TRHDE: variants seen among roughly 807,000 people sequenced by gnomAD.
The protein encoded by TRHDE is thyrotropin-releasing hormone-degrading ectoenzyme.
In TRHDE, 72 loss-of-function variants were observed where a neutral mutation model predicts 125.7. That is an observed-to-expected ratio of 0.57 (90% CI 0.47 to 0.70). TRHDE has a LOEUF of 0.70. Among genes scored for constraint, TRHDE ranks in the 30% least tolerant of loss-of-function variants. The probability of loss-of-function intolerance (pLI) is 0.00; values close to 1 mark genes in which losing one functional copy is unlikely to be tolerated. For missense variants in TRHDE, 1,110 were observed against 1,327.1 expected, an observed-to-expected ratio of 0.84 and a Z score of 2.54; for synonymous variants, 509 against 509.1, an observed-to-expected ratio of 1.00 and a Z score of 0.00.
At chr12:72,582,101 C>CA (rs35550066) in intron 12 of TRHDE, 12,161 of 59,252 alleles carry the variant, frequency 0.21, 2,433 homozygotes, top group East Asian at 0.58. Flanking sequence ...GACTCCGTCT[C>CA]AAAAAAAAAA....
intron 2 of TRHDE, among the ~76,000 whole-genome samples, chr12:72,243,483 AAAG>A (rs1878520586): frequency 6.6e-6 from 1 of 152,232 alleles, no homozygotes; most frequent in Non-Finnish European, 1.5e-5. Flanking sequence ...TCATTTTAAA[AAAG>A]AAGGCAAAAT....
chr12:72,365,674 C>G (rs1472130442), intron 2 of TRHDE, among the ~76,000 whole-genome samples: 1 of 152,058 alleles, frequency 6.6e-6, no homozygotes, highest in Admixed American at 6.6e-5. Flanking sequence ...GGAACACACA[C>G]TGTGCTCCCA....
intron 3 of TRHDE, among the ~76,000 whole-genome samples, chr12:72,410,870 T>C (rs9988927): frequency 0.41 from 51,175 of 125,392 alleles, 12,673 homozygotes; most frequent in African/African-American, 0.72. Context: ...GATAAGCAGA[T>C]AAAAAAAAAA....
intron 9 of TRHDE, among the ~76,000 whole-genome samples, chr12:72,564,337 G>T (rs1221008382): frequency 6.6e-6 from 1 of 152,112 alleles, no homozygotes; most frequent in African/African-American, 2.4e-5. Flanking sequence ...AAGCACAAGC[G>T]TAGGCATCAA....
At position 72,664,500 on chromosome 12, in the gene TRHDE, G is replaced by A. The variant is rs1875042319; in HGVS notation, c.*1305G>A. 6.6e-6 allele frequency: 1 copy of A among 152,336 alleles called. No individual in the cohort carries two copies. Among genetic ancestry groups the A allele is most frequent in the African/African-American group, 2.4e-5 (1 of 41,366 alleles). 9.4% of individuals were successfully genotyped at this position (152,336 alleles called of 1,614,324 possible). On this transcript the variant is annotated 3_prime_UTR_variant, in exon 19 of 19. Transcript: ENST00000261180. ...GGCACTGACAACTGTGTTCTACCTG[G>A]GAATTTTGAATAGCCATTTTCATGG...
At chr12:72,495,086 T>A (rs75408912) in intron 5 of TRHDE, among the ~76,000 whole-genome samples, 7,667 of 126,436 alleles carry the variant, frequency 0.061, 346 homozygotes, top group Middle Eastern at 0.12. Context: ...TTTTTTTTTT[T>A]AAGTTTCATC....
chr12:72,382,163 G>A (rs1473505638), intron 3 of TRHDE, among the ~76,000 whole-genome samples: 4 of 152,134 alleles, frequency 2.6e-5, no homozygotes, highest in African/African-American at 7.2e-5. Flanking sequence ...ACATCAAGTG[G>A]GGAAAGCATT....
At chr12:72,369,873 A>G (rs1177927283) in intron 2 of TRHDE, among the ~76,000 whole-genome samples, 1 of 152,190 alleles carries the variant, frequency 6.6e-6, no homozygotes, top group African/African-American at 2.4e-5. Flanking sequence ...AAACGCTGCA[A>G]ATAAGCAGGT....
chr12:72,113,220 T>C (rs1342629325), intron 2 of TRHDE, among the ~76,000 whole-genome samples: 2 of 151,872 alleles, frequency 1.3e-5, no homozygotes, highest in Non-Finnish European at 2.9e-5. Context: ...GGTTTTGCCA[T>C]GTTGCCCAGG....
chr12:72,279,915 A>G (rs773498777), intron 1 of TRHDE, among the ~76,000 whole-genome samples: 27 of 152,356 alleles, frequency 1.8e-4, no homozygotes, highest in Non-Finnish European at 3.1e-4. Context: ...CTACACAACT[A>G]AAAAAAGAAA....
intron 2 of TRHDE, among the ~76,000 whole-genome samples, chr12:72,131,682 G>C (rs1875870481): frequency 6.6e-6 from 1 of 152,188 alleles, no homozygotes; most frequent in Non-Finnish European, 1.5e-5. Context: ...GCTCTTTTGA[G>C]ATTTGCCAGG....
At chr12:72,388,636 A>C (rs1872522367) in intron 3 of TRHDE, among the ~76,000 whole-genome samples, 1 of 152,200 alleles carries the variant, frequency 6.6e-6, no homozygotes, top group Non-Finnish European at 1.5e-5. Flanking sequence ...TACCTTATAA[A>C]CTACCAAGAA....
intron 5 of TRHDE, among the ~76,000 whole-genome samples, chr12:72,485,929 A>T (rs1422693537): frequency 6.6e-6 from 1 of 152,030 alleles, no homozygotes; most frequent in African/African-American, 2.4e-5. Context: ...GCTATTTCTG[A>T]GTACTTGCTG....
chr12:72,586,607 T>C (rs1301168384), intron 12 of TRHDE, among the ~76,000 whole-genome samples: 1 of 152,114 alleles, frequency 6.6e-6, no homozygotes, highest in Non-Finnish European at 1.5e-5. Context: ...TCAGATCACA[T>C]TTGAATCACA....
intron 12 of TRHDE, among the ~76,000 whole-genome samples, chr12:72,597,796 T>C (rs1872042785): frequency 1.4e-5 from 2 of 143,766 alleles, no homozygotes; most frequent in Admixed American, 7.0e-5. Context: ...TAGATATATA[T>C]TCTGAAATAG....
intron 3 of TRHDE, among the ~76,000 whole-genome samples, chr12:72,393,678 G>A (rs1037589945): frequency 4.6e-5 from 7 of 152,048 alleles, no homozygotes; most frequent in Admixed American, 1.3e-4. Flanking sequence ...AAGAAAATAC[G>A]CTGATCCTTA....
chr12:72,652,927 A>G, intron 16 of TRHDE, 89 bp from the exon 17 acceptor site: 1 of 1,077,036 alleles, frequency 9.3e-7, no homozygotes, highest in Non-Finnish European at 1.3e-6. Flanking sequence ...TTTGAAGAAT[A>G]TGACAAACTA....
At chr12:72,591,343 G>A (rs1871670720) in intron 12 of TRHDE, among the ~76,000 whole-genome samples, 1 of 152,028 alleles carries the variant, frequency 6.6e-6, no homozygotes, top group South Asian at 2.1e-4. Context: ...ACTATAATAA[G>A]CATCTTTAAC....
At chr12:72,387,524 A>C (rs560756473) in intron 3 of TRHDE, among the ~76,000 whole-genome samples, 7 of 152,072 alleles carry the variant, frequency 4.6e-5, no homozygotes, top group Non-Finnish European at 4.4e-5. Context: ...TAATTTACAG[A>C]GTTTTTGTGA....
Sources: allele counts gnomAD v4.1 joint callset (sites outside exome capture counted in the v4.1 genomes callset), GRCh38; gene constraint gnomAD v4.1.1; transcripts MANE v1.5; gene names NCBI Gene and HGNC (gene_info 2026-07-23, HGNC 2026-07-21).